Variants in OTULINL observed in about 807,000 individuals in gnomAD.
OTULINL encodes OTU deubiquitinase with linear linkage specificity like.
In OTULINL, 42 loss-of-function variants were observed where a neutral mutation model predicts 43.9. The observed-to-expected ratio is 0.96, with a 90% CI of 0.75 to 1.24. OTULINL has a LOEUF of 1.24. OTULINL is among the 50% of genes most tolerant of loss of function. The pLI, the probability that OTULINL is intolerant of heterozygous loss-of-function variation, is 0.00. For synonymous variants in OTULINL, 172 were observed against 153.6 expected, an observed-to-expected ratio of 1.12 and a Z score of -0.88; for missense variants, 411 against 426.4, an observed-to-expected ratio of 0.96 and a Z score of 0.32.
At chr5:14,582,323 C>G (rs1432439779) in intron 1 of OTULINL, among the ~76,000 whole-genome samples, 1 of 152,014 alleles carries the variant, frequency 6.6e-6, no homozygotes, top group East Asian at 2.0e-4. Flanking sequence ...GAGGTCGCGC[C>G]CTGCGCCTGG....
rs532603050 is a variant in OTULINL, at chr5:14,588,358, C to A, written c.64+6400C>A. Reference sequence around the variant, plus strand: ...GTCCAGATGGCTCAGCTGTCTAGGACCGGACCCTGAGTTCCTGACTCCCTC... The same window carrying A: ...GTCCAGATGGCTCAGCTGTCTAGGAACGGACCCTGAGTTCCTGACTCCCTC... On this transcript the variant is annotated intron_variant, in intron 1 of 7. Coordinates refer to ENST00000274217, the MANE Select transcript of OTULINL (RefSeq NM_019018.3). Among the ~76,000 whole-genome samples the A allele has an allele frequency of 3.9e-5, 6 of 152,194 alleles. No homozygotes were observed. In the East Asian group the frequency reaches 1.2e-3, roughly 29 times the overall value.
At chr5:14,607,515 G>A in intron 6 of OTULINL, 57 bp downstream of exon 6, 6 of 1,598,788 alleles carry the variant, frequency 3.8e-6, no homozygotes, top group Non-Finnish European at 4.3e-6. Flanking sequence ...ATCCCAGATA[G>A]AGCCAGTTTT....
Position 14,616,119 on chromosome 5 carries a change from A to G in OTULINL, c.*5805A>G, listed in dbSNP as rs1172144398. On this transcript the variant is annotated 3_prime_UTR_variant, in exon 8 of 8. Coordinates refer to ENST00000274217, the MANE Select transcript of OTULINL (RefSeq NM_019018.3). The stretch of plus-strand genomic sequence containing the variant: ...GTTATAAAAGTTTCTAAACACTTTC[A>G]GTTTCTGTACTTAATCTTGCAGTGT... 6.6e-6 allele frequency among the ~76,000 whole-genome samples: 1 copy of G among 152,250 alleles called. No individual in the cohort carries two copies. Among genetic ancestry groups the G allele is most frequent in the East Asian group, 1.9e-4 (1 of 5,204 alleles).
intron 5 of OTULINL, among the ~76,000 whole-genome samples, chr5:14,605,065 A>G (rs1052228326): frequency 6.6e-6 from 1 of 152,202 alleles, no homozygotes; most frequent in African/African-American, 2.4e-5. Context: ...CTGCCCTAGC[A>G]GAGGTTCTCC....
intron 1 of OTULINL, among the ~76,000 whole-genome samples, chr5:14,583,576 A>G (rs549124362): frequency 1.2e-4 from 18 of 152,298 alleles, no homozygotes; most frequent in Middle Eastern, 3.4e-3. Context: ...ACCAAATTCA[A>G]TGCATGCCAG....
At position 14,592,429 on chromosome 5, in the gene OTULINL, G is replaced by T. The variant is rs577690934; in HGVS notation, c.65-8536G>T. ...GGGCACAGCTCTACATCAAAACCTGGGTGTTCAAGTTCAGACTTCTACTTC... is the reference window on the plus strand; with the variant it reads ...GGGCACAGCTCTACATCAAAACCTGTGTGTTCAAGTTCAGACTTCTACTTC... On this transcript the variant is annotated intron_variant, in intron 1 of 7. Coordinates refer to ENST00000274217, the MANE Select transcript of OTULINL (RefSeq NM_019018.3). 2.0e-5 allele frequency among the ~76,000 whole-genome samples: 3 copies of T among 152,226 alleles called. No homozygotes were observed. In the South Asian group the frequency reaches 6.2e-4, roughly 32 times the overall value.
intron 1 of OTULINL, 51 bp downstream of exon 1, chr5:14,582,009 C>A: frequency 8.4e-7 from 1 of 1,190,466 alleles, no homozygotes; most frequent in Non-Finnish European, 1.1e-6. Context: ...CAGGGACCGT[C>A]AAGGCGGGCG....
chr5:14,601,466 G>A, intron 4 of OTULINL, 24 bp downstream of exon 4: 5 of 1,578,678 alleles, frequency 3.2e-6, no homozygotes, highest in Non-Finnish European at 4.3e-6. Flanking sequence ...TAGAGGGTAT[G>A]GGAGAAATAG....
intron 5 of OTULINL, among the ~76,000 whole-genome samples, chr5:14,606,230 G>A (rs533300198): frequency 2.0e-5 from 3 of 152,230 alleles, no homozygotes; most frequent in South Asian, 2.1e-4. Flanking sequence ...GCATGGGAAC[G>A]CTTCTTTTTA....
In OTULINL at chr5:14,610,459, A is replaced by G; in HGVS notation, c.*145A>G. On this transcript the variant is annotated 3_prime_UTR_variant, in exon 8 of 8. Coordinates refer to ENST00000274217, the MANE Select transcript of OTULINL (RefSeq NM_019018.3). ...GATTACAGGTACACTGGATGCAGCCATGCATGGATGGTTTTTCTTTATTTT... is the reference window on the plus strand; with the variant it reads ...GATTACAGGTACACTGGATGCAGCCGTGCATGGATGGTTTTTCTTTATTTT... 5 of 751,668 alleles carry G rather than the reference A, an allele frequency of 6.7e-6. No individual in the cohort carries two copies. Among genetic ancestry groups the G allele is most frequent in the Non-Finnish European group, 1.0e-5 (5 of 477,512 alleles). The allele number at this position is 751,668 out of a possible 1,614,324, so 46.6% of individuals were successfully genotyped here.
At position 14,607,409 on chromosome 5, in the gene OTULINL, C is replaced by T. The variant is rs762575070; in HGVS notation, c.578C>T (p.Ser193Leu). 17 of 1,613,800 alleles carry T rather than the reference C, an allele frequency of 1.1e-5. No individual in the cohort carries two copies. Among genetic ancestry groups the T allele is most frequent in the African/African-American group, 4.0e-5 (3 of 74,830 alleles). ...TTTGGTCCTGAGAAGTATACAGGCT[C>T]GAATGTGTTTGGAAAACTACGGAAA... ...YSFGPEKYTG[S>L]NVFGKLRKYV... Residue 193 changes from serine (S) to leucine (L), a missense_variant, in exon 6 of 8, where the codon TCG (serine) becomes TTG (leucine). Physicochemically the swap from Ser to Leu is moderately radical, Grantham distance 145. Coordinates refer to ENST00000274217, the MANE Select transcript of OTULINL (RefSeq NM_019018.3).
At chr5:14,592,866 T>G (rs1191284761) in intron 1 of OTULINL, among the ~76,000 whole-genome samples, 1 of 152,126 alleles carries the variant, frequency 6.6e-6, no homozygotes, top group Admixed American at 6.5e-5. Context: ...CCTTCAGGCT[T>G]CTCCAGCCTC....
chr5:14,594,497 C>T (rs1759254856), intron 1 of OTULINL, among the ~76,000 whole-genome samples: 1 of 152,176 alleles, frequency 6.6e-6, no homozygotes, highest in African/African-American at 2.4e-5. Context: ...TGGAGGTGCT[C>T]ACCCAACCAG....
chr5:14,609,071 T>G, intron 7 of OTULINL, 54 bp downstream of exon 7: 1 of 1,560,252 alleles, frequency 6.4e-7, no homozygotes. Context: ...GTGGCACTAT[T>G]TGAACACAGA....
In OTULINL at chr5:14,615,479, C is replaced by G. The variant is rs1256586313; in HGVS notation, c.*5165C>G. Among the ~76,000 whole-genome samples, 1 of 152,156 alleles carries G rather than the reference C, an allele frequency of 6.6e-6. No homozygotes were observed. Among genetic ancestry groups the G allele is most frequent in the African/African-American group, 2.4e-5 (1 of 41,436 alleles). ...ATGACGAAGGAGAGGACCAGAAAAG[C>G]TGCTTGGGTGTGGTGGAAGTTTCAG... is the stretch of plus-strand genomic sequence containing the variant. On this transcript the variant is annotated 3_prime_UTR_variant, in exon 8 of 8. Coordinates refer to ENST00000274217, the MANE Select transcript of OTULINL (RefSeq NM_019018.3).
At chr5:14,598,666 A>AT in intron 1 of OTULINL, among the ~76,000 whole-genome samples, 1 of 152,212 alleles carries the variant, frequency 6.6e-6, no homozygotes, top group East Asian at 1.9e-4. Context: ...AGCTGTGATC[A>AT]TGCCACTGTG....
chr5:14,613,177 A>G lies in OTULINL; in HGVS notation c.*2863A>G, dbSNP rs1473648505. 6.6e-6 allele frequency among the ~76,000 whole-genome samples: 1 copy of G among 152,176 alleles called. No homozygotes were observed. The highest frequency in any genetic ancestry group is 1.5e-5 in the Non-Finnish European group (1 of 68,036). On this transcript the variant is annotated 3_prime_UTR_variant, in exon 8 of 8. Transcript: ENST00000274217. ...CCTTGGGCGATCCGCCTACCTCGGC[A>G]TCCCAAAGTGCTGGGATTACGGGTG...
chr5:14,609,596 T>G (rs1218196762), intron 7 of OTULINL, among the ~76,000 whole-genome samples: 1 of 151,590 alleles, frequency 6.6e-6, no homozygotes, highest in Non-Finnish European at 1.5e-5. Flanking sequence ...TTTCACTAAT[T>G]TTTTTCAAGT....
rs1330103666 is a variant in OTULINL, at chr5:14,614,474, A to G, written c.*4160A>G. 1 of 397,332 alleles carries G rather than the reference A, an allele frequency of 2.5e-6. No homozygotes were observed. Among genetic ancestry groups the G allele is most frequent in the African/African-American group, 2.1e-5 (1 of 48,640 alleles). 24.6% of individuals were successfully genotyped at this position (397,332 alleles called of 1,614,324 possible). On this transcript the variant is annotated 3_prime_UTR_variant, in exon 8 of 8. Transcript: ENST00000274217. Reference sequence around the variant, plus strand: ...TCAATCACTTCTATGTTATTTGTTCAGAATAGTGGATCTTTGCTTAATTCA... The same window carrying G: ...TCAATCACTTCTATGTTATTTGTTCGGAATAGTGGATCTTTGCTTAATTCA...
Sources: allele counts gnomAD v4.1 joint callset (sites outside exome capture counted in the v4.1 genomes callset), GRCh38; gene constraint gnomAD v4.1.1; transcripts MANE v1.5; gene names NCBI Gene and HGNC (gene_info 2026-07-23, HGNC 2026-07-21).